The following RSBN1 variants were observed in gnomAD, a reference collection of about 807,000 sequenced individuals.
The protein encoded by RSBN1 is lysine-specific demethylase 9.
Under a neutral mutation model 74.8 loss-of-function variants are expected in RSBN1, and 23 were observed. That is an observed-to-expected ratio of 0.31 (90% CI 0.22 to 0.44). The LOEUF (loss-of-function observed/expected upper bound fraction) is 0.44. RSBN1 is among the 20% of genes least tolerant of loss of function. The probability of loss-of-function intolerance (pLI) is 1.00; values close to 1 mark genes in which losing one functional copy is unlikely to be tolerated. For synonymous variants in RSBN1, 407 were observed against 379.6 expected (o/e 1.07, Z -0.84); for missense variants, 808 against 1,020.9 (o/e 0.79, Z 2.84).
intron 4 of RSBN1, among the ~76,000 whole-genome samples, chr1:113,775,939 C>T (rs906311386): frequency 2.0e-5 from 3 of 152,192 alleles, no homozygotes; most frequent in African/African-American, 4.8e-5. Flanking sequence ...AAGTATCATT[C>T]TCCTATGAGC....
intron 1 of RSBN1, among the ~76,000 whole-genome samples, chr1:113,811,129 C>T (rs956920364): frequency 6.6e-6 from 1 of 152,146 alleles, no homozygotes; most frequent in Admixed American, 6.5e-5. Flanking sequence ...TTCCACATGC[C>T]TATTCTAAGA....
At chr1:113,769,746 A>G (rs112784205) in intron 4 of RSBN1, among the ~76,000 whole-genome samples, 417 of 152,360 alleles carry the variant, frequency 2.7e-3, no homozygotes, top group African/African-American at 9.6e-3. Context: ...AGAAGGGATC[A>G]GCAGCCAAAA....
At chr1:113,786,924 C>A (rs542825984) in intron 2 of RSBN1, among the ~76,000 whole-genome samples, 3 of 152,280 alleles carry the variant, frequency 2.0e-5, no homozygotes, top group East Asian at 3.9e-4. Context: ...ATAATTAAAT[C>A]TTTAGAATAT....
intron 4 of RSBN1, among the ~76,000 whole-genome samples, chr1:113,774,388 C>A (rs958463802): frequency 1.6e-4 from 24 of 151,760 alleles, no homozygotes; most frequent in Non-Finnish European, 2.8e-4. Flanking sequence ...TTAAAAAAAA[C>A]AACAGGCCAG....
At chr1:113,780,750 C>A (rs1660123209) in intron 2 of RSBN1, among the ~76,000 whole-genome samples, 2 of 152,178 alleles carry the variant, frequency 1.3e-5, no homozygotes, top group South Asian at 4.1e-4. Context: ...ATTTTTATTT[C>A]CTGGCAGAAG....
At chr1:113,776,095 C>T (rs1285466005) in intron 4 of RSBN1, among the ~76,000 whole-genome samples, 1 of 152,166 alleles carries the variant, frequency 6.6e-6, no homozygotes, top group African/African-American at 2.4e-5. Context: ...AGTTAATCTA[C>T]ATTTGTCTTC....
chr1:113,777,541 T>C (rs965811768), intron 3 of RSBN1, 130 bp downstream of exon 3: 10 of 988,032 alleles, frequency 1.0e-5, no homozygotes, highest in Non-Finnish European at 1.4e-5. Flanking sequence ...TATTATTCTA[T>C]CTAAACATTT....
intron 2 of RSBN1, among the ~76,000 whole-genome samples, chr1:113,779,008 G>A (rs1420058708): frequency 6.6e-6 from 1 of 152,138 alleles, no homozygotes; most frequent in Non-Finnish European, 1.5e-5. Flanking sequence ...CAAGGATAGA[G>A]AGATGGATCC....
chr1:113,797,704 G>A lies in RSBN1; in HGVS notation c.1036C>T (p.Arg346Cys), dbSNP rs755955633. The change falls in exon 2 of 7, where the codon CGT becomes TGT. Residue 346 changes from arginine to cysteine, a missense_variant. Transcript: ENST00000261441. ...PFMTHQEHSIRRNFLKTGTKF... is the reference protein window; with the variant it reads ...PFMTHQEHSICRNFLKTGTKF... Reference sequence around the variant, plus strand: ...GTACCTGTTTTTAAGAAATTTCTACGAATAGAATGTTCCTGGTGAGTCATA... The same window carrying A: ...GTACCTGTTTTTAAGAAATTTCTACAAATAGAATGTTCCTGGTGAGTCATA... 13 of 1,613,862 alleles carry A rather than the reference G, an allele frequency of 8.1e-6. No homozygotes were observed. The highest frequency in any genetic ancestry group is 1.7e-5 in the Admixed American group (1 of 59,964).
chr1:113,771,208 G>A (rs553070442), intron 4 of RSBN1, among the ~76,000 whole-genome samples: 61 of 152,206 alleles, frequency 4.0e-4, no homozygotes, highest in African/African-American at 1.4e-3. Context: ...TTAGATGCCA[G>A]AAGACAACAG....
At position 113,762,245 on chromosome 1, in the gene RSBN1, A is replaced by T. The variant is rs1319765692; in HGVS notation, c.*3735T>A. On this transcript the variant is annotated 3_prime_UTR_variant, in exon 7 of 7. Transcript: ENST00000261441. Reference sequence around the variant, plus strand: ...AGTACATAAGTATTTCTTTAGAGAGAATTGAAAAGTGCTATATTTTAAGAG... The same window carrying T: ...AGTACATAAGTATTTCTTTAGAGAGTATTGAAAAGTGCTATATTTTAAGAG... 3.3e-5 allele frequency: 5 copies of T among 152,768 alleles called. No individual in the cohort carries two copies. The allele number at this position is 152,768 out of a possible 1,614,324, so 9.5% of individuals were successfully genotyped here.
In RSBN1 at chr1:113,812,281, C is replaced by T. The variant is rs1418315207; in HGVS notation, c.132G>A (p.Val44=). ...DGGAVGPFKC[V]FVGEMAAQVG... Reference sequence around the variant, plus strand: ...CCTGCGCAGCCATTTCACCCACAAACACACATTTAAATGGCCCGACCGCCC... The same window carrying T: ...CCTGCGCAGCCATTTCACCCACAAATACACATTTAAATGGCCCGACCGCCC... The change falls in exon 1 of 7, where the codon GTG becomes GTA. Residue 44 remains valine (V), a synonymous_variant. Transcript: ENST00000261441. The T allele has an allele frequency of 6.2e-7, 1 of 1,605,492 alleles. No homozygotes were observed. Among genetic ancestry groups the T allele is most frequent in the Non-Finnish European group, 8.5e-7 (1 of 1,179,872 alleles).
intron 2 of RSBN1, among the ~76,000 whole-genome samples, chr1:113,788,818 C>T (rs1334165512): frequency 2.0e-5 from 3 of 152,006 alleles, no homozygotes; most frequent in African/African-American, 7.3e-5. Flanking sequence ...TAGGAAGATC[C>T]CTTGGCCAGG....
chr1:113,791,157 A>T (rs969130568), intron 2 of RSBN1, among the ~76,000 whole-genome samples: 1 of 152,184 alleles, frequency 6.6e-6, no homozygotes, highest in Non-Finnish European at 1.5e-5. Flanking sequence ...CAACAGGAAA[A>T]ACACAGTCTT....
chr1:113,805,663 A>G (rs1231311307), intron 1 of RSBN1, among the ~76,000 whole-genome samples: 1 of 152,234 alleles, frequency 6.6e-6, no homozygotes, highest in Non-Finnish European at 1.5e-5. Flanking sequence ...TGTTTTAAAG[A>G]TGAACAAGTT....
At chr1:113,802,047 C>A (rs1365879918) in intron 1 of RSBN1, among the ~76,000 whole-genome samples, 2 of 151,906 alleles carry the variant, frequency 1.3e-5, no homozygotes, top group African/African-American at 4.8e-5. Context: ...CTCTGCCTCC[C>A]AAGTTCAAGT....
intron 1 of RSBN1, among the ~76,000 whole-genome samples, chr1:113,804,764 C>T (rs929348754): frequency 2.6e-5 from 4 of 152,084 alleles, no homozygotes; most frequent in East Asian, 3.9e-4. Context: ...CTTATAATCC[C>T]AATAATTCTC....
In RSBN1 at chr1:113,812,303, G is replaced by GC. The variant is rs560555537; in HGVS notation, c.109dup (p.Ala37GlyfsTer6). The GC allele has an allele frequency of 5.1e-4, 818 of 1,603,738 alleles. 4 individuals are homozygous for GC. Among genetic ancestry groups the GC allele is most frequent in the Admixed American group, 1.1e-3 (66 of 60,002 alleles). On this transcript the variant is annotated frameshift_variant, in exon 1 of 7. Transcript: ENST00000261441. LOFTEE classifies it high-confidence loss of function. ...AAACACACATTTAAATGGCCCGACCGCCCCCCCGTCCGCGCATCGCGCAAG... is the reference window on the plus strand; with the variant it reads ...AAACACACATTTAAATGGCCCGACCGCCCCCCCCGTCCGCGCATCGCGCAAG...
At chr1:113,781,717 A>G (rs1660143794) in intron 2 of RSBN1, among the ~76,000 whole-genome samples, 1 of 152,088 alleles carries the variant, frequency 6.6e-6, no homozygotes, top group Non-Finnish European at 1.5e-5. Context: ...CTCCTTCTGT[A>G]TGTACTTCGC....
Sources: allele counts gnomAD v4.1 joint callset (sites outside exome capture counted in the v4.1 genomes callset), GRCh38; gene constraint gnomAD v4.1.1; transcripts MANE v1.5; gene names NCBI Gene and HGNC (gene_info 2026-07-23, HGNC 2026-07-21).